CFAP54: variants seen among roughly 807,000 people sequenced by gnomAD.
CFAP54 encodes cilia and flagella associated protein 54, also known as cilia- and flagella-associated protein 54.
CFAP54 carries 290 observed loss-of-function variants against 370.4 expected under a neutral mutation model. That is an observed-to-expected ratio of 0.78 (90% CI 0.71 to 0.86). The LOEUF is 0.86. Ranked by LOEUF, CFAP54 falls within the 40% of genes least tolerant of loss-of-function variation. CFAP54 has a pLI of 0.00. For synonymous variants in CFAP54, 1,206 were observed against 1,236.5 expected (o/e 0.98, Z 0.52); for missense variants, 3,399 against 3,528.7 (o/e 0.96, Z 0.93).
At chr12:96,825,975 A>G (rs1433962870) in intron 65 of CFAP54, among the ~76,000 whole-genome samples, 1 of 143,042 alleles carries the variant, frequency 7.0e-6, no homozygotes, top group Non-Finnish European at 1.5e-5. Flanking sequence ...AACATAATAT[A>G]TTAATGTATA....
intron 31 of CFAP54, 127 bp downstream of exon 31, chr12:96,630,331 A>G (rs1034482587): frequency 1.8e-5 from 11 of 604,574 alleles, no homozygotes; most frequent in Non-Finnish European, 2.5e-5. Flanking sequence ...GCATAATTTT[A>G]TAATTACACA....
chr12:96,685,286 G>A (rs1488414973), intron 42 of CFAP54, 48 bp downstream of exon 42: 3 of 1,567,562 alleles, frequency 1.9e-6, no homozygotes. Context: ...CAGCTTCCTT[G>A]TGGGGTGCCC....
intron 66 of CFAP54, among the ~76,000 whole-genome samples, chr12:96,829,563 A>G (rs1268441100): frequency 2.0e-5 from 3 of 152,038 alleles, no homozygotes; most frequent in Non-Finnish European, 4.4e-5. Flanking sequence ...GTCAGGTGCC[A>G]TTTACATAGC....
chr12:96,777,528 T>C (rs1215890951), intron 60 of CFAP54, among the ~76,000 whole-genome samples: 1 of 152,114 alleles, frequency 6.6e-6, no homozygotes, highest in African/African-American at 2.4e-5. Flanking sequence ...TTTGTATTTT[T>C]AGTAGAGACG....
intron 45 of CFAP54, among the ~76,000 whole-genome samples, chr12:96,697,870 G>C (rs1194451716): frequency 6.6e-6 from 1 of 152,042 alleles, no homozygotes; most frequent in African/African-American, 2.4e-5. Context: ...TCCCTACTCT[G>C]GTCTTCAGGT....
chr12:96,767,457 TA>T (rs1958412282), intron 60 of CFAP54, among the ~76,000 whole-genome samples: 1 of 152,250 alleles, frequency 6.6e-6, no homozygotes, highest in African/African-American at 2.4e-5. Flanking sequence ...TTTCATAGCA[TA>T]TTACATTTTT....
chr12:96,560,071 A>G (rs1397477439), intron 17 of CFAP54, among the ~76,000 whole-genome samples: 1 of 152,178 alleles, frequency 6.6e-6, no homozygotes, highest in Non-Finnish European at 1.5e-5. Flanking sequence ...TACAAAACTC[A>G]ACCCAGGGTA....
At chr12:96,850,303 T>A (rs1233075133) in intron 66 of CFAP54, among the ~76,000 whole-genome samples, 2 of 146,586 alleles carry the variant, frequency 1.4e-5, no homozygotes, top group Non-Finnish European at 3.0e-5. Flanking sequence ...CAGTGAGAGA[T>A]CACACCATTG....
intron 22 of CFAP54, among the ~76,000 whole-genome samples, chr12:96,586,133 C>T (rs1298318456): frequency 6.6e-6 from 1 of 152,124 alleles, no homozygotes; most frequent in African/African-American, 2.4e-5. Context: ...GACTCTAAAA[C>T]TTGAGTGCAC....
At chr12:96,740,087 T>TA (rs1478171928) in intron 51 of CFAP54, 26 bp downstream of exon 51, 2 of 1,226,356 alleles carry the variant, frequency 1.6e-6, no homozygotes, top group Non-Finnish European at 2.4e-6. Context: ...TGTCTGTTCT[T>TA]ACAATACTTA....
intron 26 of CFAP54, among the ~76,000 whole-genome samples, chr12:96,609,565 T>A (rs889966590): frequency 6.6e-6 from 1 of 152,150 alleles, no homozygotes; most frequent in Non-Finnish European, 1.5e-5. Flanking sequence ...AGATTCAGTA[T>A]TTTTAGAGGT....
At chr12:96,736,100 CA>C (rs1957977233) in intron 50 of CFAP54, among the ~76,000 whole-genome samples, 1 of 152,064 alleles carries the variant, frequency 6.6e-6, no homozygotes. Context: ...CCAAATCAGC[CA>C]AAAGGGGAAA....
intron 67 of CFAP54, among the ~76,000 whole-genome samples, chr12:96,868,751 T>C (rs1273382380): frequency 3.3e-5 from 5 of 152,158 alleles, no homozygotes; most frequent in Non-Finnish European, 7.3e-5. Context: ...AGCCCTTTTT[T>C]TTCTTTTAAT....
chr12:96,591,705 C>T lies in CFAP54; in HGVS notation c.3213-785C>T, dbSNP rs994639600. 4.0e-5 allele frequency among the ~76,000 whole-genome samples: 6 copies of T among 151,832 alleles called. No individual in the cohort carries two copies. The East Asian group carries it at 5.8e-4, about 15-fold the overall frequency. On this transcript the variant is annotated intron_variant, in intron 23 of 67. Coordinates refer to ENST00000524981, the MANE Select transcript of CFAP54 (RefSeq NM_001306084.2). ...GAGATCGAGACCATCCTGGCTAACA[C>T]GGTGAAACCCCGTCTCTACTAAAAA...
chr12:96,770,510 T>C (rs1262877759), intron 60 of CFAP54, among the ~76,000 whole-genome samples: 1 of 152,174 alleles, frequency 6.6e-6, no homozygotes, highest in African/African-American at 2.4e-5. Context: ...AAAACATTCT[T>C]AGAAGAGCAC....
intron 63 of CFAP54, among the ~76,000 whole-genome samples, chr12:96,798,106 T>C (rs1227421240): frequency 6.6e-6 from 1 of 152,078 alleles, no homozygotes; most frequent in African/African-American, 2.4e-5. Flanking sequence ...TTTTCCTTTT[T>C]AACCCAAAAT....
intron 63 of CFAP54, 88 bp from the exon 64 acceptor site, chr12:96,811,648 G>A: frequency 1.5e-6 from 1 of 675,178 alleles, no homozygotes; most frequent in Middle Eastern, 4.2e-4. Flanking sequence ...AAAGTACAGT[G>A]ATATTATTTT....
chr12:96,727,611 G>T (rs1186234565), intron 50 of CFAP54, among the ~76,000 whole-genome samples: 4 of 150,004 alleles, frequency 2.7e-5, no homozygotes, highest in African/African-American at 9.9e-5. Context: ...GCACACTGAT[G>T]GGTCTTGACT....
At chr12:96,713,176 C>A (rs532747436) in intron 48 of CFAP54, among the ~76,000 whole-genome samples, 3 of 152,224 alleles carry the variant, frequency 2.0e-5, no homozygotes, top group South Asian at 2.1e-4. Flanking sequence ...ATCCAGAAAT[C>A]TTTTCTGTAT....
Sources: gnomAD v4.1 joint callset for allele counts (sites outside exome capture counted in the v4.1 genomes callset) on GRCh38, gnomAD v4.1.1 for gene constraint, MANE v1.5 for transcripts, NCBI Gene and HGNC (gene_info 2026-07-23, HGNC 2026-07-21) for gene names.